Variants in PPP1R12B observed in about 807,000 individuals in gnomAD.
The protein encoded by PPP1R12B is myosin phosphatase target subunit 2.
In PPP1R12B, 76 loss-of-function variants were observed where a neutral mutation model predicts 126.1. The ratio of observed to expected loss-of-function variants is 0.60; its 90% CI spans 0.50 to 0.73. PPP1R12B has a LOEUF of 0.73. Ranked by LOEUF, PPP1R12B falls within the 30% of genes least tolerant of loss-of-function variation. The pLI is 0.00. For missense variants in PPP1R12B, 1,052 were observed against 1,205.1 expected, an observed-to-expected ratio of 0.87 and a Z score of 1.88; for synonymous variants, 356 against 434.7, an observed-to-expected ratio of 0.82 and a Z score of 2.25.
rs571852610 is a variant in PPP1R12B at position 202,501,391 on chromosome 1, T to G, written c.2490+4569T>G. 5.9e-5 allele frequency among the ~76,000 whole-genome samples: 9 copies of G among 152,336 alleles called. No homozygotes were observed. The South Asian group carries it at 1.4e-3, about 25-fold the overall frequency. On this transcript the variant is annotated intron_variant, in intron 18 of 23. Transcript: ENST00000608999. ...GATTCCATTTTCTTTACATTGAGTTTTATCTATTGCTTTCTTACTGTTTTC... is the reference window on the plus strand; with the variant it reads ...GATTCCATTTTCTTTACATTGAGTTGTATCTATTGCTTTCTTACTGTTTTC...
intron 1 of PPP1R12B, among the ~76,000 whole-genome samples, chr1:202,389,670 G>T (rs114276543): frequency 0.023 from 3,444 of 150,732 alleles, 135 homozygotes; most frequent in African/African-American, 0.078. Context: ...CGGGCGAGGT[G>T]GCTAATCCCA....
Position 202,562,938 on chromosome 1 carries a change from A to C in PPP1R12B, c.2652+16A>C. The C allele has an allele frequency of 7.1e-6, 11 of 1,541,742 alleles. No homozygotes were observed. Among genetic ancestry groups the C allele is most frequent in the Non-Finnish European group, 9.6e-6 (11 of 1,147,648 alleles). ...TTATAAAAAAGTAGGGTCTTTATTC[A>C]ATTTTCCGGTTCTTTGGTGACATGT... On this transcript the variant is annotated intron_variant, in intron 20 of 23. Transcript: ENST00000608999.
At chr1:202,515,856 C>T (rs1400393255) in intron 18 of PPP1R12B, among the ~76,000 whole-genome samples, 2 of 152,162 alleles carry the variant, frequency 1.3e-5, no homozygotes, top group South Asian at 2.1e-4. Flanking sequence ...CACCTGGCCT[C>T]GTAGTGTTGG....
intron 1 of PPP1R12B, chr1:202,369,706 C>A: frequency 5.9e-6 from 1 of 168,294 alleles, no homozygotes; most frequent in South Asian, 1.6e-4. Flanking sequence ...TGAGAGAATT[C>A]AGTGGCCTGA....
rs549260913 is a variant in PPP1R12B, at chr1:202,583,636, A to G, written c.*3076A>G. On this transcript the variant is annotated 3_prime_UTR_variant, in exon 24 of 24. Transcript: ENST00000608999. ...ATGAGATGGTAATTATAGGCCTTCT[A>G]CTAGCCAGCAGTTCTCTCTGGATAC... 2.0e-5 allele frequency: 3 copies of G among 152,302 alleles called. No individual in the cohort carries two copies. In the East Asian group the frequency reaches 5.8e-4, roughly 29 times the overall value. The allele number at this position is 152,302 out of a possible 1,614,324, so 9.4% of individuals were successfully genotyped here. A position where few individuals can be genotyped will look rare whatever the true frequency, so the allele number is the denominator to read the frequency against.
chr1:202,398,837 T>C (rs1033360017), intron 1 of PPP1R12B, among the ~76,000 whole-genome samples: 1 of 152,212 alleles, frequency 6.6e-6, no homozygotes, highest in Non-Finnish European at 1.5e-5. Flanking sequence ...CTTTTGATGA[T>C]TGACTATTTC....
intron 13 of PPP1R12B, among the ~76,000 whole-genome samples, chr1:202,483,404 A>G (rs1308381852): frequency 6.6e-6 from 1 of 151,606 alleles, no homozygotes; most frequent in Admixed American, 6.6e-5. Context: ...AGATAAACCT[A>G]TGGAAGAGCT....
intron 13 of PPP1R12B, among the ~76,000 whole-genome samples, chr1:202,486,200 A>C (rs1678098459): frequency 6.6e-6 from 1 of 152,006 alleles, no homozygotes; most frequent in Non-Finnish European, 1.5e-5. Flanking sequence ...TTTTAAATAA[A>C]TTAATAAATA....
intron 13 of PPP1R12B, among the ~76,000 whole-genome samples, chr1:202,457,548 A>C (rs1453511347): frequency 6.6e-6 from 1 of 150,422 alleles, no homozygotes; most frequent in Non-Finnish European, 1.5e-5. Context: ...GCGAGACTCC[A>C]TCTCAAAAAA....
intron 1 of PPP1R12B, among the ~76,000 whole-genome samples, chr1:202,412,946 A>T (rs1022439475): frequency 1.1e-4 from 17 of 152,228 alleles, no homozygotes; most frequent in African/African-American, 4.1e-4. Context: ...AGTGATAAGC[A>T]TACTTATGAA....
intron 13 of PPP1R12B, among the ~76,000 whole-genome samples, chr1:202,471,054 C>T (rs1031361533): frequency 4.6e-5 from 7 of 152,178 alleles, no homozygotes; most frequent in Admixed American, 2.0e-4. Context: ...TATCTCTCCT[C>T]AGTCTCATCT....
At chr1:202,446,582 A>T (rs1672325435) in intron 12 of PPP1R12B, among the ~76,000 whole-genome samples, 1 of 148,118 alleles carries the variant, frequency 6.8e-6, no homozygotes, top group Admixed American at 6.8e-5. Context: ...TTACATATAT[A>T]ATATTATATA....
intron 1 of PPP1R12B, among the ~76,000 whole-genome samples, chr1:202,413,927 C>T (rs1016883998): frequency 3.3e-5 from 5 of 151,744 alleles, no homozygotes; most frequent in South Asian, 2.1e-4. Flanking sequence ...AGTGATGGTT[C>T]GTTTCCTTTT....
intron 18 of PPP1R12B, among the ~76,000 whole-genome samples, chr1:202,539,588 A>G (rs1684898164): frequency 6.6e-6 from 1 of 152,090 alleles, no homozygotes; most frequent in Admixed American, 6.6e-5. Context: ...GTTTGACCTG[A>G]TTTTATCATA....
intron 1 of PPP1R12B, among the ~76,000 whole-genome samples, chr1:202,405,236 G>A (rs1289037479): frequency 1.3e-5 from 2 of 152,100 alleles, no homozygotes; most frequent in East Asian, 3.9e-4. Flanking sequence ...GCAGTCTAAA[G>A]CCCCTCAACT....
chr1:202,428,051 T>C (rs1273584119), intron 5 of PPP1R12B, among the ~76,000 whole-genome samples: 1 of 151,688 alleles, frequency 6.6e-6, no homozygotes, highest in Non-Finnish European at 1.5e-5. Context: ...CTCAAGTGAT[T>C]CCCAGCCTTG....
intron 1 of PPP1R12B, among the ~76,000 whole-genome samples, chr1:202,366,853 T>C (rs1659327150): frequency 6.6e-6 from 1 of 152,138 alleles, no homozygotes; most frequent in African/African-American, 2.4e-5. Flanking sequence ...AATAAAAATA[T>C]AGACTAAAAT....
chr1:202,531,276 C>T (rs571903939), intron 18 of PPP1R12B, among the ~76,000 whole-genome samples: 31 of 152,306 alleles, frequency 2.0e-4, no homozygotes, highest in Non-Finnish European at 3.7e-4. Flanking sequence ...GACTATCTTC[C>T]AACTTGGCTG....
At chr1:202,427,801 C>T (rs1465360543) in intron 5 of PPP1R12B, among the ~76,000 whole-genome samples, 16 of 151,998 alleles carry the variant, frequency 1.1e-4, no homozygotes, top group South Asian at 6.3e-4. Flanking sequence ...CACGCCGCCA[C>T]GCCTGGCTAA....
Sources: gnomAD v4.1 joint callset for allele counts (sites outside exome capture counted in the v4.1 genomes callset) on GRCh38, gnomAD v4.1.1 for gene constraint, MANE v1.5 for transcripts, NCBI Gene and HGNC (gene_info 2026-07-23, HGNC 2026-07-21) for gene names.